Variants in WDSUB1 observed in about 807,000 individuals in gnomAD.
WDSUB1 encodes the protein WD repeat, sterile alpha motif and U-box domain containing 1.
In WDSUB1, 49 loss-of-function variants were observed where a neutral mutation model predicts 53.9. The observed-to-expected ratio is 0.91, with a 90% CI of 0.72 to 1.15. The LOEUF is 1.15. Among genes scored for constraint, WDSUB1 ranks in the 50% most tolerant of loss-of-function variants. The pLI is 0.00. For missense variants in WDSUB1, 514 were observed against 562.0 expected, an observed-to-expected ratio of 0.91 and a Z score of 0.86; for synonymous variants, 194 against 200.6, an observed-to-expected ratio of 0.97 and a Z score of 0.28.
Position 159,235,939 on chromosome 2 carries a change from T to C in WDSUB1, c.*94A>G. ...ACTAAATTTAAGAAGTTTACCTTTT[T>C]CCTGTTTTGCTTTTAATAATGTCTG... On this transcript the variant is annotated 3_prime_UTR_variant, in exon 11 of 11. Coordinates refer to ENST00000359774, the MANE Select transcript of WDSUB1 (RefSeq NM_001128212.3). 2 of 1,202,206 alleles carry C rather than the reference T, an allele frequency of 1.7e-6. No individual in the cohort carries two copies. Among genetic ancestry groups the C allele is most frequent in the Non-Finnish European group, 2.2e-6 (2 of 920,096 alleles). The allele number at this position is 1,202,206 out of a possible 1,614,324, so 74.5% of individuals were successfully genotyped here.
intron 9 of WDSUB1, among the ~76,000 whole-genome samples, chr2:159,254,338 T>A (rs2061014908): frequency 6.6e-6 from 1 of 151,948 alleles, no homozygotes; most frequent in African/African-American, 2.4e-5. Flanking sequence ...GCTGGGAGGG[T>A]CACTTAAGGT....
chr2:159,253,948 G>C (rs1280600412), intron 9 of WDSUB1, among the ~76,000 whole-genome samples: 1 of 152,128 alleles, frequency 6.6e-6, no homozygotes, highest in Non-Finnish European at 1.5e-5. Flanking sequence ...AAAAATAAAT[G>C]TTACAGTCAA....
intron 10 of WDSUB1, among the ~76,000 whole-genome samples, chr2:159,244,717 A>T (rs2060748155): frequency 6.6e-6 from 1 of 152,166 alleles, no homozygotes; most frequent in South Asian, 2.1e-4. Flanking sequence ...TTGAAGCCAG[A>T]AGTTCAGGAC....
chr2:159,269,839 C>T (rs186995660), intron 5 of WDSUB1, among the ~76,000 whole-genome samples: 14 of 152,146 alleles, frequency 9.2e-5, no homozygotes, highest in African/African-American at 3.1e-4. Flanking sequence ...AAAATAACAA[C>T]AAAACTCTTA....
rs568310551 is a variant in WDSUB1 at position 159,255,329 on chromosome 2, T to C, written c.1132+867A>G. 3.9e-5 allele frequency among the ~76,000 whole-genome samples: 6 copies of C among 152,076 alleles called. No individual in the cohort carries two copies. In the East Asian group the frequency reaches 1.2e-3, roughly 29 times the overall value. On this transcript the variant is annotated intron_variant, in intron 9 of 10. Transcript: ENST00000359774. ...AAAAATATAAAAAATTAGCCAGGCA[T>C]GGTGGCAGGCGCCTGTAGTCCCAGC...
At chr2:159,274,528 T>C (rs2357170) in intron 4 of WDSUB1, among the ~76,000 whole-genome samples, 82,565 of 151,860 alleles carry the variant, frequency 0.54, 23,301 homozygotes, top group African/African-American at 0.62. Flanking sequence ...CTACCTCCAA[T>C]CTCTCCCCAA....
chr2:159,252,009 C>G (rs1057161227), intron 9 of WDSUB1, among the ~76,000 whole-genome samples: 1 of 152,062 alleles, frequency 6.6e-6, no homozygotes, highest in Admixed American at 6.6e-5. Context: ...CAAGACAGCA[C>G]GAGAGCCTGG....
intron 10 of WDSUB1, among the ~76,000 whole-genome samples, chr2:159,242,113 C>T (rs57343765): frequency 0.015 from 2,085 of 140,918 alleles, 337 homozygotes; most frequent in African/African-American, 0.056. Context: ...TGCAGTGGCA[C>T]GATCTCGGCT....
chr2:159,277,134 C>T (rs1575491726), intron 3 of WDSUB1, among the ~76,000 whole-genome samples: 1 of 152,190 alleles, frequency 6.6e-6, no homozygotes, highest in Non-Finnish European at 1.5e-5. Flanking sequence ...TTTGAAAGTA[C>T]AAACACTTTA....
chr2:159,253,369 C>CAAAA lies in WDSUB1; in HGVS notation c.1132+2826_1132+2827insTTTT, dbSNP rs879521973. Among the ~76,000 whole-genome samples the CAAAA allele has an allele frequency of 6.1e-3, 931 of 152,288 alleles. 19 individuals are homozygous for CAAAA. In the East Asian group the frequency reaches 0.1, roughly 17 times the overall value. On this transcript the variant is annotated intron_variant, in intron 9 of 10. Coordinates refer to ENST00000359774, the MANE Select transcript of WDSUB1 (RefSeq NM_001128212.3). The stretch of plus-strand genomic sequence containing the variant: ...TGTACGTCTATTGTACCCTAGGCTT[C>CAAAA]CATTAACACAATCCTAGAAAATGAC...
chr2:159,259,985 C>A, intron 5 of WDSUB1, 142 bp from the exon 6 acceptor site: 1 of 966,596 alleles, frequency 1.0e-6, no homozygotes, highest in South Asian at 2.0e-5. Flanking sequence ...TCCTTTTGTT[C>A]ATATGCATGA....
chr2:159,282,168 T>A (rs1055910305), intron 2 of WDSUB1, among the ~76,000 whole-genome samples: 2 of 151,980 alleles, frequency 1.3e-5, no homozygotes, highest in African/African-American at 4.8e-5. Flanking sequence ...TCTCTGGGTT[T>A]TTGACCTTTA....
chr2:159,280,095 T>C (rs1048879654), intron 2 of WDSUB1, 150 bp from the exon 3 acceptor site: 3 of 651,766 alleles, frequency 4.6e-6, no homozygotes, highest in Non-Finnish European at 7.5e-6. Flanking sequence ...AGAAATAAAA[T>C]ATCATTTATA....
chr2:159,246,815 T>C (rs2060808726), intron 10 of WDSUB1, among the ~76,000 whole-genome samples: 1 of 152,164 alleles, frequency 6.6e-6, no homozygotes, highest in African/African-American at 2.4e-5. Flanking sequence ...GCAATAAATA[T>C]AAATTACTGA....
chr2:159,262,802 A>C (rs1021428899), intron 5 of WDSUB1, among the ~76,000 whole-genome samples: 1 of 152,074 alleles, frequency 6.6e-6, no homozygotes, highest in African/African-American at 2.4e-5. Context: ...AGCAATAAAA[A>C]CCCTCAAAAT....
At position 159,257,830 on chromosome 2, in the gene WDSUB1, G is replaced by C; in HGVS notation, c.880C>G (p.Leu294Val). 6.2e-7 allele frequency: 1 copy of C among 1,614,170 alleles called. No individual in the cohort carries two copies. The highest frequency in any genetic ancestry group is 1.1e-5 in the South Asian group (1 of 91,080). The change falls in exon 8 of 11, where the codon CTT becomes GTT. Residue 294 changes from leucine (L) to valine (V), a missense_variant. By Grantham distance (32) the Leu-to-Val change is conservative. Transcript: ENST00000359774. Reference protein sequence around the residue: ...VTTCAFAPNTLLLATGSMDKT... With the variant: ...VTTCAFAPNTVLLATGSMDKT... ...TCCATTGAACCAGTAGCAAGTAAAA[G>C]GGTATTAGGTGCAAAAGCACAAGTT...
At chr2:159,275,400 CAT>C (rs1406808712) in intron 4 of WDSUB1, 144 bp downstream of exon 4, 26 of 608,592 alleles carry the variant, frequency 4.3e-5, no homozygotes, top group South Asian at 1.8e-4. Context: ...ATTTTTAAAT[CAT>C]GTGTATTATT....
intron 5 of WDSUB1, among the ~76,000 whole-genome samples, 177 bp from the exon 6 acceptor site, chr2:159,260,020 G>A (rs1282243248): frequency 1.3e-5 from 2 of 152,086 alleles, no homozygotes; most frequent in Non-Finnish European, 2.9e-5. Flanking sequence ...AAAACTACAC[G>A]TGGCCAGGCG....
chr2:159,263,860 A>G (rs2061279326), intron 5 of WDSUB1, among the ~76,000 whole-genome samples: 1 of 152,208 alleles, frequency 6.6e-6, no homozygotes, highest in African/African-American at 2.4e-5. Context: ...TATTTAATAT[A>G]TATGTATTGA....
Sources: gnomAD v4.1 joint callset for allele counts (sites outside exome capture counted in the v4.1 genomes callset) on GRCh38, gnomAD v4.1.1 for gene constraint, MANE v1.5 for transcripts, NCBI Gene and HGNC (gene_info 2026-07-23, HGNC 2026-07-21) for gene names.